Variants in EYS observed in about 807,000 individuals in gnomAD.
EYS encodes the protein EGF-like photoreceptor maintenance factor, also known as protein eyes shut homolog.
A neutral mutation model predicts 282.1 loss-of-function variants in EYS; 250 were observed. The ratio of observed to expected loss-of-function variants is 0.89; its 90% CI spans 0.80 to 0.98. The LOEUF (loss-of-function observed/expected upper bound fraction) is 0.98. EYS is among the 50% of genes least tolerant of loss of function. EYS has a pLI of 0.00. For synonymous variants in EYS, 1,355 were observed against 1,282.9 expected (o/e 1.06, Z -1.20); for missense variants, 4,016 against 3,709.0 (o/e 1.08, Z -2.15).
chr6:65,416,393 A>C (rs1395313799), intron 5 of EYS, among the ~76,000 whole-genome samples: 1 of 151,936 alleles, frequency 6.6e-6, no homozygotes, highest in Non-Finnish European at 1.5e-5. Flanking sequence ...TTTTTATCTC[A>C]AAAAAGTCTC....
chr6:64,018,142 A>T (rs1768986338), intron 33 of EYS, among the ~76,000 whole-genome samples: 1 of 152,182 alleles, frequency 6.6e-6, no homozygotes, highest in African/African-American at 2.4e-5. Context: ...ATATATACGT[A>T]TATGTATATA....
chr6:64,690,459 C>T (rs1316957590), intron 22 of EYS, among the ~76,000 whole-genome samples: 3 of 152,004 alleles, frequency 2.0e-5, no homozygotes, highest in Non-Finnish European at 4.4e-5. Context: ...ACCATTTGAC[C>T]CAAAGATCCT....
chr6:63,881,846 CAA>C (rs1340611134), intron 35 of EYS, among the ~76,000 whole-genome samples: 1 of 151,836 alleles, frequency 6.6e-6, no homozygotes, highest in Admixed American at 6.6e-5. Context: ...AAAATAGAAA[CAA>C]GAAAAAAATG....
intron 31 of EYS, among the ~76,000 whole-genome samples, chr6:64,203,515 C>T (rs1207433876): frequency 6.6e-6 from 1 of 152,134 alleles, no homozygotes; most frequent in Admixed American, 6.5e-5. Context: ...ACAGCATCCA[C>T]TAGACTAATT....
intron 7 of EYS, among the ~76,000 whole-genome samples, chr6:65,386,270 A>G (rs1177697719): frequency 1.3e-5 from 2 of 151,858 alleles, no homozygotes; most frequent in Admixed American, 6.6e-5. Flanking sequence ...TGTGGCTCAG[A>G]GAGGTTTGAC....
chr6:65,561,552 A>G (rs1332899316), intron 2 of EYS, among the ~76,000 whole-genome samples: 3 of 151,988 alleles, frequency 2.0e-5, no homozygotes, highest in Non-Finnish European at 4.4e-5. Context: ...TGCTTTTCCA[A>G]TGGGTAATGG....
chr6:65,515,612 G>GA (rs1218952665), intron 2 of EYS, among the ~76,000 whole-genome samples: 4 of 151,906 alleles, frequency 2.6e-5, no homozygotes, highest in Admixed American at 6.6e-5. Flanking sequence ...CATGCAGCCA[G>GA]AAAAAATGAT....
intron 26 of EYS, among the ~76,000 whole-genome samples, chr6:64,448,325 G>A (rs1162347681): frequency 6.6e-6 from 1 of 152,220 alleles, no homozygotes; most frequent in African/African-American, 2.4e-5. Flanking sequence ...GCCAGCCATT[G>A]CTTGGGCTTG....
intron 2 of EYS, among the ~76,000 whole-genome samples, chr6:65,518,828 CT>C (rs528696619): frequency 6.6e-6 from 1 of 152,032 alleles, no homozygotes; most frequent in Non-Finnish European, 1.5e-5. Context: ...TTGCAGTCCC[CT>C]TTACACAACA....
chr6:64,563,564 T>A (rs1765471659), intron 26 of EYS, among the ~76,000 whole-genome samples: 4 of 152,278 alleles, frequency 2.6e-5, no homozygotes, highest in Middle Eastern at 3.4e-3. Flanking sequence ...GATCCTGATG[T>A]CTAAAAATAC....
chr6:64,551,203 C>CAT (rs112621961), intron 26 of EYS, among the ~76,000 whole-genome samples: 48 of 147,742 alleles, frequency 3.2e-4, no homozygotes, highest in South Asian at 1.5e-3. Flanking sequence ...TATATACACA[C>CAT]ATATATATAT....
intron 22 of EYS, among the ~76,000 whole-genome samples, chr6:64,669,084 C>T (rs1027747853): frequency 6.6e-6 from 1 of 152,072 alleles, no homozygotes; most frequent in African/African-American, 2.4e-5. Flanking sequence ...TAAAAAATAG[C>T]ATTTTAACGT....
chr6:64,569,971 AC>A (rs1765674446), intron 26 of EYS, among the ~76,000 whole-genome samples: 1 of 152,144 alleles, frequency 6.6e-6, no homozygotes, highest in African/African-American at 2.4e-5. Flanking sequence ...GAGAAGAGTA[AC>A]CCCAAGTAGA....
At chr6:64,478,064 C>G (rs1489109570) in intron 26 of EYS, among the ~76,000 whole-genome samples, 1 of 152,036 alleles carries the variant, frequency 6.6e-6, no homozygotes, top group Non-Finnish European at 1.5e-5. Context: ...ATCCCTTCTA[C>G]TTCTGTAGAA....
At chr6:64,051,766 A>G (rs1313761560) in intron 33 of EYS, among the ~76,000 whole-genome samples, 2 of 152,296 alleles carry the variant, frequency 1.3e-5, no homozygotes, top group African/African-American at 4.8e-5. Flanking sequence ...TTTCACAAAG[A>G]AAAGAGTCAG....
At chr6:64,682,619 C>A (rs1265259592) in intron 22 of EYS, among the ~76,000 whole-genome samples, 4 of 152,082 alleles carry the variant, frequency 2.6e-5, no homozygotes, top group Non-Finnish European at 5.9e-5. Flanking sequence ...ACACACTGTG[C>A]GCCCTCACCT....
chr6:64,476,052 A>G (rs962427668), intron 26 of EYS, among the ~76,000 whole-genome samples: 4 of 152,130 alleles, frequency 2.6e-5, no homozygotes, highest in African/African-American at 9.7e-5. Context: ...TGGCCTCCCA[A>G]AGTGCTAGGA....
intron 13 of EYS, among the ~76,000 whole-genome samples, chr6:65,050,302 C>T (rs944103807): frequency 6.6e-6 from 1 of 151,490 alleles, no homozygotes; most frequent in African/African-American, 2.4e-5. Flanking sequence ...AAGAAGAACA[C>T]AATACTGCTA....
In EYS at chr6:65,519,706, A is replaced by ATTT. The variant is rs1418670707; in HGVS notation, c.-332-23714_-332-23713insAAA. On this transcript the variant is annotated intron_variant, in intron 2 of 42. Transcript: ENST00000503581. ...AATAACTATATATATATATATATAT[A>ATTT]TATTTTTTTTTTTTTTTTTTTTTTT... Among the ~76,000 whole-genome samples the ATTT allele has an allele frequency of 1.1e-3, 40 of 36,586 alleles. 1 individual carries two copies. The highest frequency in any genetic ancestry group is 3.4e-3 in the African/African-American group (23 of 6,722). 24.0% of individuals were successfully genotyped at this position (36,586 alleles called of 152,430 possible).
Sources: allele counts gnomAD v4.1 joint callset (sites outside exome capture counted in the v4.1 genomes callset), GRCh38; gene constraint gnomAD v4.1.1; transcripts MANE v1.5; gene names NCBI Gene and HGNC (gene_info 2026-07-23, HGNC 2026-07-21).